The following PRDM16 variants were observed in gnomAD, a reference collection of about 807,000 sequenced individuals.
PRDM16 encodes PR/SET domain 16, also known as histone-lysine N-methyltransferase PRDM16.
A neutral mutation model predicts 110.6 loss-of-function variants in PRDM16; 23 were observed. That is an observed-to-expected ratio of 0.21 (90% CI 0.15 to 0.29). PRDM16 has a LOEUF of 0.29. Among genes scored for constraint, PRDM16 ranks in the 10% least tolerant of loss-of-function variants. The pLI is 1.00. For missense variants in PRDM16, 1,615 were observed against 1,794.3 expected, an observed-to-expected ratio of 0.90 and a Z score of 1.81; for synonymous variants, 799 against 781.8, an observed-to-expected ratio of 1.02 and a Z score of -0.37.
chr1:3,251,350 G>T (rs1247188550), intron 3 of PRDM16, among the ~76,000 whole-genome samples: 1 of 151,942 alleles, frequency 6.6e-6, no homozygotes, highest in Non-Finnish European at 1.5e-5. Context: ...ACAGCTCTGG[G>T]TACCGAGGGT....
At chr1:3,180,198 T>C (rs757297564) in intron 1 of PRDM16, among the ~76,000 whole-genome samples, 1 of 151,140 alleles carries the variant, frequency 6.6e-6, no homozygotes, top group Non-Finnish European at 1.5e-5. Context: ...GTTTGCTTGT[T>C]TGTTTTAAGC....
At chr1:3,276,293 G>A (rs1321523691) in intron 3 of PRDM16, among the ~76,000 whole-genome samples, 1 of 152,226 alleles carries the variant, frequency 6.6e-6, no homozygotes, top group Non-Finnish European at 1.5e-5. Context: ...CCTGCCATTG[G>A]GCCCGCGGTG....
chr1:3,379,770 C>A (rs1643067217), intron 3 of PRDM16, among the ~76,000 whole-genome samples: 2 of 7,020 alleles, frequency 2.8e-4, no homozygotes, highest in Non-Finnish European at 5.0e-4. Flanking sequence ...CAACACACCC[C>A]TCCCAACACA....
At chr1:3,352,041 T>G (rs1424215001) in intron 3 of PRDM16, among the ~76,000 whole-genome samples, 4 of 152,050 alleles carry the variant, frequency 2.6e-5, no homozygotes, top group African/African-American at 7.2e-5. Context: ...GAGGAGACAC[T>G]CCTGCGAGGG....
intron 2 of PRDM16, among the ~76,000 whole-genome samples, chr1:3,240,600 G>C (rs1639646961): frequency 6.6e-6 from 1 of 152,170 alleles, no homozygotes; most frequent in Non-Finnish European, 1.5e-5. Context: ...CGTGGCCGGG[G>C]CTCACTCTGG....
chr1:3,260,594 T>C (rs534477054), intron 3 of PRDM16, among the ~76,000 whole-genome samples: 5 of 151,008 alleles, frequency 3.3e-5, no homozygotes. Flanking sequence ...ATGCTGGTGA[T>C]GAGGTTGATA....
At chr1:3,427,617 C>CA (rs1638647050) in intron 14 of PRDM16, among the ~76,000 whole-genome samples, 1 of 152,164 alleles carries the variant, frequency 6.6e-6, no homozygotes, top group African/African-American at 2.4e-5. Context: ...GCAATAAACA[C>CA]AGGAGGCAGT....
intron 2 of PRDM16, among the ~76,000 whole-genome samples, chr1:3,204,386 A>G (rs1450945939): frequency 2.6e-5 from 4 of 152,214 alleles, no homozygotes; most frequent in Non-Finnish European, 4.4e-5. Flanking sequence ...AAACGACGTC[A>G]TGTGAACATT....
intron 1 of PRDM16, among the ~76,000 whole-genome samples, chr1:3,169,739 G>C (rs968069888): frequency 6.6e-6 from 1 of 152,268 alleles, no homozygotes; most frequent in Non-Finnish European, 1.5e-5. Context: ...TACGCCATCA[G>C]GATCTTGAAG....
intron 1 of PRDM16, among the ~76,000 whole-genome samples, chr1:3,085,750 C>G (rs2742680): frequency 0.85 from 129,799 of 152,272 alleles, 55,413 homozygotes; most frequent in South Asian, 0.96. Context: ...CTCTTTCTGC[C>G]GCCTGGGTTG....
At chr1:3,266,587 G>C (rs974641782) in intron 3 of PRDM16, among the ~76,000 whole-genome samples, 1 of 152,200 alleles carries the variant, frequency 6.6e-6, no homozygotes, top group African/African-American at 2.4e-5. Flanking sequence ...TCTCAGACCC[G>C]CTTGTCTCGC....
At chr1:3,181,709 TACAC>T (rs1402754142) in intron 1 of PRDM16, among the ~76,000 whole-genome samples, 23 of 118,662 alleles carry the variant, frequency 1.9e-4, no homozygotes, top group Non-Finnish European at 2.6e-4. Flanking sequence ...CACACGGTCT[TACAC>T]ACGCAGTCTT....
intron 3 of PRDM16, among the ~76,000 whole-genome samples, chr1:3,351,803 C>T (rs1306391812): frequency 2.1e-5 from 3 of 144,222 alleles, no homozygotes; most frequent in African/African-American, 7.9e-5. Flanking sequence ...CTCACCATAG[C>T]CCCTCCTCTT....
chr1:3,110,354 G>T (rs897194859), intron 1 of PRDM16, among the ~76,000 whole-genome samples: 32 of 151,478 alleles, frequency 2.1e-4, no homozygotes, highest in African/African-American at 7.5e-4. Context: ...CCCATGTCCT[G>T]GGTGTGGGGA....
In PRDM16 at chr1:3,350,495, A is replaced by G. The variant is rs1642460764; in HGVS notation, c.439-34657A>G. 6.6e-6 allele frequency among the ~76,000 whole-genome samples: 1 copy of G among 152,010 alleles called. No individual in the cohort carries two copies. Among genetic ancestry groups the G allele is most frequent in the African/African-American group, 2.4e-5 (1 of 41,410 alleles). On this transcript the variant is annotated intron_variant, in intron 3 of 16. Transcript: ENST00000270722. This position sits in a 1 kb window ranked among gnomAD's most constrained non-coding sequence, Gnocchi z 7.1. ...TTGGTGACACTTGGATCCAGACATA[A>G]TGTGTGTTAAGATCAAGGGCCCCGG...
At chr1:3,070,924 G>A (rs1641740960) in intron 1 of PRDM16, among the ~76,000 whole-genome samples, 1 of 152,242 alleles carries the variant, frequency 6.6e-6, no homozygotes, top group South Asian at 2.1e-4. Context: ...TCGGCCTCCC[G>A]TGACCTCTGA....
chr1:3,223,851 C>T (rs1042648747), intron 2 of PRDM16, among the ~76,000 whole-genome samples: 6 of 152,144 alleles, frequency 3.9e-5, no homozygotes, highest in African/African-American at 1.4e-4. Context: ...GTCTCATCAC[C>T]CACCTTGTCC....
chr1:3,340,236 C>T (rs1340849337), intron 3 of PRDM16, among the ~76,000 whole-genome samples: 1 of 152,076 alleles, frequency 6.6e-6, no homozygotes, highest in Non-Finnish European at 1.5e-5. Context: ...ACACTGTACC[C>T]CCTAAATCCC....
chr1:3,192,674 C>T (rs953768436), intron 2 of PRDM16, among the ~76,000 whole-genome samples: 23 of 152,112 alleles, frequency 1.5e-4, no homozygotes, highest in Admixed American at 7.2e-4. Context: ...CAGGCAGAAG[C>T]GACCCTGTTT....
Sources: gnomAD v4.1 joint callset for allele counts (sites outside exome capture counted in the v4.1 genomes callset) on GRCh38, gnomAD v4.1.1 for gene constraint, Gnocchi (gnomAD v3.1) non-coding constraint, MANE v1.5 for transcripts, NCBI Gene and HGNC (gene_info 2026-07-23, HGNC 2026-07-21) for gene names.